SDK1: variants seen among roughly 807,000 people sequenced by gnomAD.
SDK1 encodes the protein protein sidekick-1.
A neutral mutation model predicts 245.5 loss-of-function variants in SDK1; 157 were observed. The ratio of observed to expected loss-of-function variants is 0.64; its 90% CI spans 0.56 to 0.73. SDK1 has a LOEUF of 0.73. Among genes scored for constraint, SDK1 ranks in the 30% least tolerant of loss-of-function variants. The pLI is 0.00. For missense variants in SDK1, 3,583 were observed against 3,002.3 expected (o/e 1.19, Z -4.52); for synonymous variants, 1,647 against 1,278.5 (o/e 1.29, Z -6.15).
intron 1 of SDK1, among the ~76,000 whole-genome samples, chr7:3,352,206 T>C (rs1780678304): frequency 6.6e-6 from 1 of 150,736 alleles, no homozygotes; most frequent in East Asian, 1.9e-4. Context: ...GTCACTTAAA[T>C]ACAAAATCAC....
chr7:3,442,300 G>A (rs1054891384), intron 1 of SDK1, among the ~76,000 whole-genome samples: 14 of 152,136 alleles, frequency 9.2e-5, no homozygotes, highest in African/African-American at 3.4e-4. Flanking sequence ...ATTATAGTAA[G>A]GAAGCCAAGG....
chr7:4,015,693 T>A (rs900480184), intron 16 of SDK1, among the ~76,000 whole-genome samples: 1 of 152,156 alleles, frequency 6.6e-6, no homozygotes, highest in Non-Finnish European at 1.5e-5. Flanking sequence ...GTTTGATAAC[T>A]TGACTTTCAT....
chr7:3,624,465 C>G (rs943911710), intron 2 of SDK1, among the ~76,000 whole-genome samples: 6 of 152,066 alleles, frequency 3.9e-5, no homozygotes, highest in African/African-American at 1.4e-4. Flanking sequence ...TCCCAAAGTA[C>G]TGGGATTACA....
At chr7:3,865,741 C>G (rs1297245580) in intron 5 of SDK1, among the ~76,000 whole-genome samples, 1 of 151,636 alleles carries the variant, frequency 6.6e-6, no homozygotes, top group African/African-American at 2.4e-5. Context: ...TCTGAAACTC[C>G]TGGCCTCAAG....
At chr7:4,103,145 C>T (rs1009710398) in intron 22 of SDK1, among the ~76,000 whole-genome samples, 5 of 152,012 alleles carry the variant, frequency 3.3e-5, no homozygotes, top group South Asian at 4.2e-4. Flanking sequence ...GGACTACAGG[C>T]GCCCGCCACC....
At chr7:3,993,872 A>C (rs1287140691) in intron 14 of SDK1, among the ~76,000 whole-genome samples, 2 of 152,146 alleles carry the variant, frequency 1.3e-5, no homozygotes, top group Non-Finnish European at 2.9e-5. Context: ...CGTTGTTGTA[A>C]AGGACAGAGC....
chr7:3,503,354 C>G (rs1254794694), intron 1 of SDK1, among the ~76,000 whole-genome samples: 1 of 152,070 alleles, frequency 6.6e-6, no homozygotes, highest in Non-Finnish European at 1.5e-5. Flanking sequence ...TGTCAGACAC[C>G]TTACACAACT....
chr7:3,477,871 C>A (rs933540998), intron 1 of SDK1, among the ~76,000 whole-genome samples: 8 of 152,062 alleles, frequency 5.3e-5, no homozygotes, highest in Non-Finnish European at 1.2e-4. Context: ...GAAATTTTAT[C>A]TGTATTTCCT....
At position 3,846,664 on chromosome 7, in the gene SDK1, A is replaced by T. The variant is rs200786018; in HGVS notation, c.847+25081A>T. 2.6e-5 allele frequency among the ~76,000 whole-genome samples: 4 copies of T among 152,302 alleles called. No individual in the cohort carries two copies. The East Asian group carries it at 7.7e-4, about 29-fold the overall frequency. On this transcript the variant is annotated intron_variant, in intron 5 of 44. Coordinates refer to ENST00000404826, the MANE Select transcript of SDK1 (RefSeq NM_152744.4). ...GTATTACTGCTTCCGTTGAAGGCTA[A>T]AATTTCCCCCACTTCTCTGAACTCA...
chr7:3,570,289 A>G (rs557425939), intron 1 of SDK1, among the ~76,000 whole-genome samples: 7 of 152,280 alleles, frequency 4.6e-5, no homozygotes, highest in East Asian at 1.9e-4. Flanking sequence ...GATTCTCATA[A>G]GGAGTGTGCA....
intron 17 of SDK1, among the ~76,000 whole-genome samples, chr7:4,044,118 G>A (rs1788841698): frequency 6.6e-6 from 1 of 152,228 alleles, no homozygotes; most frequent in Non-Finnish European, 1.5e-5. Context: ...AGGAGTTGGA[G>A]CAGGGCTTGG....
At chr7:3,539,434 G>T (rs781346338) in intron 1 of SDK1, among the ~76,000 whole-genome samples, 3 of 152,140 alleles carry the variant, frequency 2.0e-5, no homozygotes, top group Non-Finnish European at 4.4e-5. Context: ...TTGGGCCTTT[G>T]CCTTTATTAC....
intron 7 of SDK1, among the ~76,000 whole-genome samples, chr7:3,953,084 A>G (rs1780960088): frequency 1.3e-5 from 2 of 151,892 alleles, no homozygotes; most frequent in African/African-American, 4.8e-5. Context: ...AAAAAGGGGA[A>G]TTGAGAACAG....
At chr7:3,671,310 C>T (rs905310182) in intron 4 of SDK1, among the ~76,000 whole-genome samples, 6 of 152,270 alleles carry the variant, frequency 3.9e-5, no homozygotes, top group Middle Eastern at 6.8e-3. Context: ...ATTCCATCGG[C>T]CTCTACATTG....
At chr7:4,101,884 G>C (rs1433040225) in intron 22 of SDK1, among the ~76,000 whole-genome samples, 1 of 152,150 alleles carries the variant, frequency 6.6e-6, no homozygotes, top group Non-Finnish European at 1.5e-5. Context: ...CAGAGAAAGG[G>C]CCAGATGGGG....
chr7:3,929,789 G>C (rs1009765549), intron 5 of SDK1, among the ~76,000 whole-genome samples: 6 of 151,986 alleles, frequency 3.9e-5, no homozygotes, highest in African/African-American at 1.5e-4. Context: ...AGGTGTATTA[G>C]CTGGTTTTGC....
At chr7:3,473,891 C>T (rs1352733536) in intron 1 of SDK1, among the ~76,000 whole-genome samples, 1 of 151,854 alleles carries the variant, frequency 6.6e-6, no homozygotes, top group Admixed American at 6.6e-5. Flanking sequence ...TTCCTAGCTA[C>T]CACAGCAGTG....
At chr7:3,375,931 C>G (rs1781344852) in intron 1 of SDK1, among the ~76,000 whole-genome samples, 2 of 152,188 alleles carry the variant, frequency 1.3e-5, no homozygotes, top group South Asian at 4.1e-4. Flanking sequence ...AATTCATATA[C>G]AGCAATAAGT....
At chr7:4,096,990 A>G (rs896768656) in intron 22 of SDK1, among the ~76,000 whole-genome samples, 3 of 152,242 alleles carry the variant, frequency 2.0e-5, no homozygotes, top group Non-Finnish European at 1.5e-5. Flanking sequence ...CTCGAGCAGA[A>G]TCACAAACTC....
Sources: gnomAD v4.1 joint callset for allele counts (sites outside exome capture counted in the v4.1 genomes callset) on GRCh38, gnomAD v4.1.1 for gene constraint, MANE v1.5 for transcripts, NCBI Gene and HGNC (gene_info 2026-07-23, HGNC 2026-07-21) for gene names.